PLD5: variants seen among roughly 807,000 people sequenced by gnomAD.
PLD5 encodes the protein inactive phospholipase D5.
Under a neutral mutation model 61.1 loss-of-function variants are expected in PLD5, and 36 were observed. The ratio of observed to expected loss-of-function variants is 0.59; its 90% CI spans 0.45 to 0.78. The LOEUF (loss-of-function observed/expected upper bound fraction) is 0.78, where lower values mean the gene tolerates loss of function less well. Among genes scored for constraint, PLD5 ranks in the 30% least tolerant of loss-of-function variants. The probability of loss-of-function intolerance (pLI) is 0.00; values close to 1 mark genes in which losing one functional copy is unlikely to be tolerated. For missense variants in PLD5, 515 were observed against 644.4 expected, an observed-to-expected ratio of 0.80 and a Z score of 2.17; for synonymous variants, 243 against 242.8, an observed-to-expected ratio of 1.00 and a Z score of -0.01.
intron 2 of PLD5, among the ~76,000 whole-genome samples, chr1:242,346,015 C>T (rs1370938006): frequency 3.0e-5 from 2 of 65,992 alleles, no homozygotes; most frequent in African/African-American, 7.6e-5. Context: ...AAAAGATCTC[C>T]CCCCCCCCCA....
intron 4 of PLD5, among the ~76,000 whole-genome samples, chr1:242,227,798 G>GT (rs1192331322): frequency 2.0e-5 from 3 of 152,172 alleles, no homozygotes; most frequent in African/African-American, 7.2e-5. Flanking sequence ...ACATGACTGT[G>GT]TTTGTGATTC....
chr1:242,468,609 T>C (rs1386906435), intron 1 of PLD5, among the ~76,000 whole-genome samples: 1 of 152,086 alleles, frequency 6.6e-6, no homozygotes, highest in African/African-American at 2.4e-5. Flanking sequence ...TTCTGAAACA[T>C]TCTACTCTTT....
intron 1 of PLD5, among the ~76,000 whole-genome samples, chr1:242,497,227 G>T (rs750079708): frequency 6.6e-6 from 1 of 152,166 alleles, no homozygotes; most frequent in Non-Finnish European, 1.5e-5. Context: ...CTAAAACCCA[G>T]ACCTACTAAT....
At chr1:242,473,430 T>C (rs1384034229) in intron 1 of PLD5, among the ~76,000 whole-genome samples, 2 of 152,114 alleles carry the variant, frequency 1.3e-5, no homozygotes, top group African/African-American at 4.8e-5. Context: ...AATGAGACAA[T>C]ACACAGTAAG....
intron 5 of PLD5, among the ~76,000 whole-genome samples, chr1:242,171,615 A>G (rs1666752018): frequency 6.6e-6 from 1 of 152,178 alleles, no homozygotes; most frequent in East Asian, 1.9e-4. Flanking sequence ...CAAAGAGTCA[A>G]GACCCATCAG....
intron 1 of PLD5, among the ~76,000 whole-genome samples, chr1:242,425,140 A>G (rs947582232): frequency 6.6e-6 from 1 of 152,182 alleles, no homozygotes; most frequent in Non-Finnish European, 1.5e-5. Context: ...TCCAAAAAAA[A>G]TACAATCATG....
In PLD5 at chr1:242,408,959, C is replaced by T. The variant is rs1472462004; in HGVS notation, c.190-60717G>A. Reference sequence around the variant, plus strand: ...GCAGGTGCCTGTAATCCCAGCTACTCGGGAGGCTGAGGCAGGAGAATCACT... The same window carrying T: ...GCAGGTGCCTGTAATCCCAGCTACTTGGGAGGCTGAGGCAGGAGAATCACT... On this transcript the variant is annotated intron_variant, in intron 1 of 9. Transcript: ENST00000536534. Among the ~76,000 whole-genome samples the T allele has an allele frequency of 4.6e-5, 7 of 151,810 alleles. No homozygotes were observed. In the East Asian group the frequency reaches 5.8e-4, roughly 13 times the overall value.
At chr1:242,290,275 A>AGGAAGAAGCTGGGCTTGAAATCT (rs1675279538) in intron 2 of PLD5, among the ~76,000 whole-genome samples, 1 of 61,332 alleles carries the variant, frequency 1.6e-5, no homozygotes, top group African/African-American at 5.2e-5. Context: ...GGGGACATCT[A>AGGAAGAAGCTGGGCTTGAAATCT]GGAGGAAGCT....
intron 1 of PLD5, among the ~76,000 whole-genome samples, chr1:242,410,838 A>G (rs1356280484): frequency 2.0e-5 from 3 of 152,114 alleles, no homozygotes; most frequent in African/African-American, 7.2e-5. Flanking sequence ...GTGATCCTGC[A>G]GTGTAGGTCT....
At chr1:242,162,788 T>C (rs998668110) in intron 5 of PLD5, among the ~76,000 whole-genome samples, 1 of 152,084 alleles carries the variant, frequency 6.6e-6, no homozygotes, top group African/African-American at 2.4e-5. Flanking sequence ...TAAATTAGAA[T>C]AGACAGACAG....
At chr1:242,445,364 CAG>C (rs879772695) in intron 1 of PLD5, among the ~76,000 whole-genome samples, 30 of 152,246 alleles carry the variant, frequency 2.0e-4, no homozygotes, top group African/African-American at 7.0e-4. Context: ...CTTTTTGAGA[CAG>C]AGTCTTGCTC....
At chr1:242,092,442 A>G (rs923969586) in intron 9 of PLD5, among the ~76,000 whole-genome samples, 38 of 152,136 alleles carry the variant, frequency 2.5e-4, no homozygotes, top group African/African-American at 9.2e-4. Context: ...TGTATGATAA[A>G]CCAGGAATTA....
intron 1 of PLD5, among the ~76,000 whole-genome samples, chr1:242,497,051 G>A (rs991774422): frequency 6.6e-6 from 1 of 152,202 alleles, no homozygotes; most frequent in African/African-American, 2.4e-5. Context: ...GGTCCCAGGA[G>A]ACCGGAGACC....
chr1:242,295,640 C>G (rs968245646), intron 2 of PLD5, among the ~76,000 whole-genome samples: 16 of 152,058 alleles, frequency 1.1e-4, no homozygotes, highest in Non-Finnish European at 2.4e-4. Context: ...TAACTTTTTC[C>G]CTTTGGGTAG....
intron 5 of PLD5, among the ~76,000 whole-genome samples, chr1:242,133,912 T>A (rs920976643): frequency 6.6e-6 from 1 of 152,246 alleles, no homozygotes; most frequent in Non-Finnish European, 1.5e-5. Context: ...AGTACTTTAA[T>A]TTCATCATAC....
chr1:242,245,135 A>T (rs1350149954), intron 4 of PLD5, among the ~76,000 whole-genome samples: 1 of 152,148 alleles, frequency 6.6e-6, no homozygotes, highest in African/African-American at 2.4e-5. Flanking sequence ...GACTTGAACC[A>T]CTGTAATACT....
intron 5 of PLD5, among the ~76,000 whole-genome samples, chr1:242,214,829 C>T (rs948039926): frequency 1.3e-5 from 2 of 150,106 alleles, no homozygotes; most frequent in African/African-American, 4.9e-5. Flanking sequence ...AATTAGTGCA[C>T]ATGCTCTTCC....
chr1:242,429,427 T>C (rs1039530), intron 1 of PLD5, among the ~76,000 whole-genome samples: 39,843 of 152,092 alleles, frequency 0.26, 5,536 homozygotes, highest in Admixed American at 0.31. Context: ...TAATACTTTT[T>C]TTAGAGACAA....
chr1:242,196,787 T>G (rs1668660635), intron 5 of PLD5, among the ~76,000 whole-genome samples: 1 of 152,172 alleles, frequency 6.6e-6, no homozygotes, highest in African/African-American at 2.4e-5. Context: ...CTTCCACAGG[T>G]GATCACTGTG....
Sources: allele counts gnomAD v4.1 joint callset (sites outside exome capture counted in the v4.1 genomes callset), GRCh38; gene constraint gnomAD v4.1.1; transcripts MANE v1.5; gene names NCBI Gene and HGNC (gene_info 2026-07-23, HGNC 2026-07-21).